The following SLC4A5 variants were observed in gnomAD, a reference collection of about 807,000 sequenced individuals.
SLC4A5 encodes the protein solute carrier family 4 member 5.
SLC4A5 carries 96 observed loss-of-function variants against 120.4 expected under a neutral mutation model. The ratio of observed to expected loss-of-function variants is 0.80; its 90% CI spans 0.68 to 0.94. The LOEUF is 0.94. Among genes scored for constraint, SLC4A5 ranks in the 40% least tolerant of loss-of-function variants. The pLI, the probability that SLC4A5 is intolerant of heterozygous loss-of-function variation, is 0.00. For missense variants in SLC4A5, 1,259 were observed against 1,459.5 expected, an observed-to-expected ratio of 0.86 and a Z score of 2.24; for synonymous variants, 550 against 571.1, an observed-to-expected ratio of 0.96 and a Z score of 0.53.
At chr2:74,216,850 T>A (rs1169253039) in exon 31 of SLC4A5, 2 of 152,110 alleles carry the variant, frequency 1.3e-5, no homozygotes, top group Non-Finnish European at 2.9e-5. Context: ...CTCTGCTGAT[T>A]CCCCCCACCT....
rs558267085 is a variant in SLC4A5 at position 74,249,354 on chromosome 2, A to T, written c.1654-868T>A. 5.3e-5 allele frequency among the ~76,000 whole-genome samples: 8 copies of T among 152,290 alleles called. No individual in the cohort carries two copies. In the East Asian group the frequency reaches 1.5e-3, roughly 29 times the overall value. ...AGAATTGGCCAGGGGAATAGGGTTA[A>T]GTGGAGTGATAAGAAACAGTGTCCC... On this transcript the variant is annotated intron_variant, in intron 17 of 30. Transcript: ENST00000394019.
intron 8 of SLC4A5, among the ~76,000 whole-genome samples, chr2:74,271,889 G>T (rs1275711113): frequency 6.6e-6 from 1 of 151,860 alleles, no homozygotes; most frequent in African/African-American, 2.4e-5. Context: ...CTTGAGACCT[G>T]CCTGAGAAAC....
At chr2:74,227,620 T>C in intron 26 of SLC4A5, 190 bp downstream of exon 26, 1 of 1,381,810 alleles carries the variant, frequency 7.2e-7, no homozygotes, top group Non-Finnish European at 1.0e-6. Flanking sequence ...ATGAGGCCTA[T>C]GAAGTGCCTA....
intron 9 of SLC4A5, 42 bp from the exon 10 acceptor site, chr2:74,264,341 C>T: frequency 6.3e-7 from 1 of 1,591,048 alleles, no homozygotes; most frequent in South Asian, 1.1e-5. Flanking sequence ...TGGGACAGAA[C>T]AGCTCCAGGG....
chr2:74,329,124 T>TA (rs1413258098), intron 4 of SLC4A5, among the ~76,000 whole-genome samples: 7 of 152,134 alleles, frequency 4.6e-5, no homozygotes, highest in Admixed American at 2.0e-4. Context: ...GAGAAAATGA[T>TA]AGAGGCAGAG....
intron 8 of SLC4A5, among the ~76,000 whole-genome samples, chr2:74,277,287 C>T (rs911427324): frequency 6.6e-6 from 1 of 152,172 alleles, no homozygotes; most frequent in Non-Finnish European, 1.5e-5. Context: ...CAGTGGCTCA[C>T]GCCTGTAATC....
chr2:74,302,536 G>A (rs910121553), intron 7 of SLC4A5, among the ~76,000 whole-genome samples: 1 of 152,202 alleles, frequency 6.6e-6, no homozygotes, highest in African/African-American at 2.4e-5. Context: ...AGAATCACTT[G>A]AACCTGGGAG....
Position 74,227,759 on chromosome 2 carries a change from A to T in SLC4A5, c.2916+51T>A, listed in dbSNP as rs138147320. On this transcript the variant is annotated intron_variant, in intron 26 of 30. Transcript: ENST00000394019. The stretch of plus-strand genomic sequence containing the variant: ...GGGGGTCTTGGTGACATGGAACCAG[A>T]CATGGAATGTTGACTCCAGATCATG... 141 of 1,499,408 alleles carry T rather than the reference A, an allele frequency of 9.4e-5. 1 individual carries two copies. The East Asian group carries it at 1.5e-3, about 16-fold the overall frequency. The allele number at this position is 1,499,408 out of a possible 1,614,324, so 92.9% of individuals were successfully genotyped here. A position where few individuals can be genotyped will look rare whatever the true frequency, so the allele number is the denominator to read the frequency against.
chr2:74,308,102 A>T, intron 6 of SLC4A5: 2 of 412,354 alleles, frequency 4.9e-6, no homozygotes, highest in South Asian at 4.2e-5. Context: ...CGATCAATGT[A>T]CTGTAGTTTG....
rs376343253 is a variant in SLC4A5, at chr2:74,265,875, C to T, written c.402-611G>A. 3.3e-5 allele frequency among the ~76,000 whole-genome samples: 5 copies of T among 152,170 alleles called. No individual in the cohort carries two copies. The East Asian group carries it at 7.7e-4, about 24-fold the overall frequency. On this transcript the variant is annotated intron_variant, in intron 8 of 30. Coordinates refer to ENST00000394019, the Ensembl canonical transcript of SLC4A5. ...AACCAAGGATGTGTAGGGATCTGTC[C>T]TTTCTAGAAGACTTGGAATCATGGG...
intron 24 of SLC4A5, among the ~76,000 whole-genome samples, chr2:74,231,691 A>C (rs551394670): frequency 6.6e-6 from 1 of 152,354 alleles, no homozygotes; most frequent in African/African-American, 2.4e-5. Context: ...GTGAGGATAC[A>C]TGCGAGATAA....
At chr2:74,304,763 A>G in intron 6 of SLC4A5, 83 bp from the exon 7 acceptor site, 1 of 1,401,728 alleles carries the variant, frequency 7.1e-7, no homozygotes, top group Non-Finnish European at 9.7e-7. Flanking sequence ...TTACAAAGAG[A>G]TTGGGCTGCA....
chr2:74,269,170 A>G (rs1671393489), intron 8 of SLC4A5, among the ~76,000 whole-genome samples: 1 of 152,210 alleles, frequency 6.6e-6, no homozygotes, highest in South Asian at 2.1e-4. Flanking sequence ...GTATATTAAC[A>G]TAAGAGTTTA....
intron 19 of SLC4A5, among the ~76,000 whole-genome samples, chr2:74,242,957 A>G (rs1055145994): frequency 3.9e-5 from 6 of 152,224 alleles, no homozygotes; most frequent in African/African-American, 1.4e-4. Flanking sequence ...CCCAGCCCAT[A>G]TGTGCTTTTT....
intron 14 of SLC4A5, among the ~76,000 whole-genome samples, chr2:74,253,806 A>C (rs563485851): frequency 1.3e-5 from 2 of 152,228 alleles, no homozygotes; most frequent in Non-Finnish European, 2.9e-5. Context: ...GGATTCATCA[A>C]ATGAATCTTA....
intron 4 of SLC4A5, among the ~76,000 whole-genome samples, chr2:74,329,662 T>C (rs1433277580): frequency 1.4e-5 from 2 of 146,804 alleles, no homozygotes; most frequent in African/African-American, 5.0e-5. Context: ...AATGGAGGTG[T>C]GAGGTGTAGA....
intron 27 of SLC4A5, among the ~76,000 whole-genome samples, chr2:74,225,479 C>T (rs1694810310): frequency 6.6e-6 from 1 of 152,090 alleles, no homozygotes; most frequent in Non-Finnish European, 1.5e-5. Context: ...GCCTGTAGTC[C>T]CAGCTGCTCA....
In SLC4A5 at chr2:74,293,708, T is replaced by C. The variant is rs1057219923; in HGVS notation, c.272-7806A>G. 2.0e-5 allele frequency among the ~76,000 whole-genome samples: 3 copies of C among 152,186 alleles called. No individual in the cohort carries two copies. In the East Asian group the frequency reaches 5.8e-4, roughly 29 times the overall value. On this transcript the variant is annotated intron_variant, in intron 7 of 30. Transcript: ENST00000394019. ...GGGACTGTGAGAAACTCCTTTGTTC[T>C]TGTAATATAAACAATCTCTCCCCAC...
At chr2:74,297,607 T>C (rs1186788577) in intron 7 of SLC4A5, among the ~76,000 whole-genome samples, 1 of 152,210 alleles carries the variant, frequency 6.6e-6, no homozygotes, top group Non-Finnish European at 1.5e-5. Flanking sequence ...CTGCTTCTAA[T>C]CCTCTTTCTC....
Sources: allele counts gnomAD v4.1 joint callset (sites outside exome capture counted in the v4.1 genomes callset), GRCh38; gene constraint gnomAD v4.1.1; transcripts MANE v1.5; gene names NCBI Gene and HGNC (gene_info 2026-07-23, HGNC 2026-07-21).